Variants in VPS26B observed in about 807,000 individuals in gnomAD.
The protein encoded by VPS26B is vacuolar protein sorting-associated protein 26B.
In VPS26B, 10 loss-of-function variants were observed where a neutral mutation model predicts 33.3. That is an observed-to-expected ratio of 0.30 (90% CI 0.19 to 0.51). VPS26B has a LOEUF of 0.51. Ranked by LOEUF, VPS26B falls within the 20% of genes least tolerant of loss-of-function variation. VPS26B has a pLI of 0.98. For synonymous variants in VPS26B, 190 were observed against 176.9 expected, an observed-to-expected ratio of 1.07 and a Z score of -0.59; for missense variants, 317 against 452.7, an observed-to-expected ratio of 0.70 and a Z score of 2.72.
At chr11:134,235,279 C>T (rs531617724) in intron 2 of VPS26B, 11 of 429,800 alleles carry the variant, frequency 2.6e-5, no homozygotes, top group African/African-American at 1.2e-4. Context: ...CCGCCATGGC[C>T]AATTTCAAGC....
rs1226042269 is a variant in VPS26B, at chr11:134,247,440, C to G, written c.*1850C>G. ...TTCCAACCTTCCTAACATCTTAAACCTTTCTTCTGGGAGAACTAGAAGACA... is the reference window on the plus strand; with the variant it reads ...TTCCAACCTTCCTAACATCTTAAACGTTTCTTCTGGGAGAACTAGAAGACA... On this transcript the variant is annotated 3_prime_UTR_variant, in exon 6 of 6. Coordinates refer to ENST00000281187, the MANE Select transcript of VPS26B (RefSeq NM_052875.5). The G allele has an allele frequency of 6.6e-6, 1 of 152,196 alleles. No individual in the cohort carries two copies. Among genetic ancestry groups the G allele is most frequent in the Non-Finnish European group, 1.5e-5 (1 of 68,040 alleles). 9.4% of individuals were successfully genotyped at this position (152,196 alleles called of 1,614,324 possible). A position where few individuals can be genotyped will look rare whatever the true frequency, so the allele number is the denominator to read the frequency against.
chr11:134,242,970 A>C (rs1479760848), intron 3 of VPS26B, 149 bp from the exon 4 acceptor site: 1 of 732,948 alleles, frequency 1.4e-6, no homozygotes, highest in Non-Finnish European at 2.3e-6. Context: ...GAAACAGTTC[A>C]GCCACAGCCA....
chr11:134,240,774 C>CGT lies in VPS26B; in HGVS notation c.545+636_545+637dup, dbSNP rs145007065. Among the ~76,000 whole-genome samples, 4,946 of 137,910 alleles carry CGT rather than the reference C, an allele frequency of 0.036. 227 individuals are homozygous for CGT. Among genetic ancestry groups the CGT allele is most frequent in the African/African-American group, 0.11 (4,174 of 37,712 alleles). 90.5% of individuals were successfully genotyped at this position (137,910 alleles called of 152,430 possible). On this transcript the variant is annotated intron_variant, in intron 3 of 5. Transcript: ENST00000281187. This position sits in a 1 kb window ranked among gnomAD's most constrained non-coding sequence, Gnocchi z 4.4. ...CCGCCACACCCAGCTAATTTGTGTC[C>CGT]GTGTGTGTGTGTGTGTGTCCGTGTG...
intron 2 of VPS26B, among the ~76,000 whole-genome samples, chr11:134,236,124 A>T (rs900564944): frequency 6.6e-6 from 1 of 152,138 alleles, no homozygotes; most frequent in Non-Finnish European, 1.5e-5. Flanking sequence ...AGCCTGGGCA[A>T]CATATTGAGA....
Position 134,240,827 on chromosome 11 carries a change from G to GTGTGTGTA in VPS26B, c.545+673_545+674insGTGTGTAT, listed in dbSNP as rs1938712845. Among the ~76,000 whole-genome samples the GTGTGTGTA allele has an allele frequency of 6.6e-6, 1 of 151,148 alleles. No homozygotes were observed. The highest frequency in any genetic ancestry group is 1.5e-5 in the Non-Finnish European group (1 of 67,702). On this transcript the variant is annotated intron_variant, in intron 3 of 5. Transcript: ENST00000281187. This position sits in a 1 kb window ranked among gnomAD's most constrained non-coding sequence, Gnocchi z 4.4. The stretch of plus-strand genomic sequence containing the variant: ...TGTGTGTGTGTGTGTGTGTGTGTGT[G>GTGTGTGTA]TAGCCAAGGTTTCATAATGTTGCCC...
chr11:134,235,169 C>A, intron 2 of VPS26B, 116 bp downstream of exon 2: 1 of 1,356,364 alleles, frequency 7.4e-7, no homozygotes, highest in Non-Finnish European at 1.0e-6. Context: ...GGAAGAGTGT[C>A]GCGAGCTGTG....
At chr11:134,233,337 A>G (rs548838946) in intron 1 of VPS26B, among the ~76,000 whole-genome samples, 2 of 152,310 alleles carry the variant, frequency 1.3e-5, no homozygotes, top group African/African-American at 4.8e-5. Flanking sequence ...GCCCCGCTGC[A>G]AGTTGCAGTC....
intron 1 of VPS26B, among the ~76,000 whole-genome samples, chr11:134,233,705 A>AGTG (rs1287544906): frequency 2.0e-5 from 3 of 149,800 alleles, no homozygotes; most frequent in African/African-American, 4.9e-5. Context: ...AGCCTGGGCG[A>AGTG]CAGAGCGAGA....
chr11:134,231,101 A>G lies in VPS26B; in HGVS notation c.224-3796A>G, dbSNP rs1225592234. ...TGGGGAACACCAGTGAAGTTTAGAAAGCAGACCTGGGCCGCCTTGGAGACT... is the reference window on the plus strand; with the variant it reads ...TGGGGAACACCAGTGAAGTTTAGAAGGCAGACCTGGGCCGCCTTGGAGACT... On this transcript the variant is annotated intron_variant, in intron 1 of 5. Coordinates refer to ENST00000281187, the MANE Select transcript of VPS26B (RefSeq NM_052875.5). Among the ~76,000 whole-genome samples, 3 of 152,232 alleles carry G rather than the reference A, an allele frequency of 2.0e-5. No homozygotes were observed. The East Asian group carries it at 5.8e-4, about 29-fold the overall frequency.
At chr11:134,233,738 A>T (rs992439425) in intron 1 of VPS26B, among the ~76,000 whole-genome samples, 2 of 150,656 alleles carry the variant, frequency 1.3e-5, no homozygotes, top group African/African-American at 4.9e-5. Flanking sequence ...AAACAAACAA[A>T]AAAAGCTCAC....
Position 134,244,854 on chromosome 11 carries a change from A to G in VPS26B, c.722-84A>G. ...TGCTCGTGTGCTGCACTCCAGTGGC[A>G]TCTCTGCAGTGGTCAGAGTGACCTG... On this transcript the variant is annotated intron_variant, in intron 4 of 5. Transcript: ENST00000281187. This position sits in a 1 kb window ranked among gnomAD's most constrained non-coding sequence, Gnocchi z 4.0. 1 of 1,506,340 alleles carries G rather than the reference A, an allele frequency of 6.6e-7. No homozygotes were observed. Among genetic ancestry groups the G allele is most frequent in the East Asian group, 2.3e-5 (1 of 43,470 alleles). 93.3% of individuals were successfully genotyped at this position (1,506,340 alleles called of 1,614,324 possible).
rs533317268 is a variant in VPS26B, at chr11:134,241,577, C to T, written c.545+1422C>T. Among the ~76,000 whole-genome samples, 57 of 152,334 alleles carry T rather than the reference C, an allele frequency of 3.7e-4. 1 individual carries two copies. The highest frequency in any genetic ancestry group is 8.5e-4 in the Admixed American group (13 of 15,308). The stretch of plus-strand genomic sequence containing the variant: ...CGGTCCTGCCCAGAAAGGAGCCATC[C>T]AGAGTGCCTACCCACTACTGTCCTG... On this transcript the variant is annotated intron_variant, in intron 3 of 5. Coordinates refer to ENST00000281187, the MANE Select transcript of VPS26B (RefSeq NM_052875.5).
rs966051777 is a variant in VPS26B, at chr11:134,245,392, G to T, written c.865-52G>T. On this transcript the variant is annotated intron_variant, in intron 5 of 5. Coordinates refer to ENST00000281187, the MANE Select transcript of VPS26B (RefSeq NM_052875.5). This position sits in a 1 kb window ranked among gnomAD's most constrained non-coding sequence, Gnocchi z 4.7. ...AAAGTTGGGAGCCTCTAGGAAACCT[G>T]TCCCCATGCCTCCCTCTAAGGTGTC... The T allele has an allele frequency of 2.5e-5, 40 of 1,605,252 alleles. No homozygotes were observed. The highest frequency in any genetic ancestry group is 6.0e-6 in the Non-Finnish European group (7 of 1,173,164).
intron 1 of VPS26B, among the ~76,000 whole-genome samples, chr11:134,234,626 A>C (rs965808022): frequency 6.6e-6 from 1 of 152,198 alleles, no homozygotes; most frequent in African/African-American, 2.4e-5. Flanking sequence ...ACTTACCCTT[A>C]TTAAAAGATG....
chr11:134,231,721 C>T (rs1313217389), intron 1 of VPS26B, among the ~76,000 whole-genome samples: 2 of 152,316 alleles, frequency 1.3e-5, no homozygotes, highest in South Asian at 2.1e-4. Flanking sequence ...CCCACCACCT[C>T]GTCTGGCTAA....
intron 1 of VPS26B, among the ~76,000 whole-genome samples, chr11:134,234,409 G>T (rs930249154): frequency 6.6e-6 from 1 of 152,208 alleles, no homozygotes; most frequent in African/African-American, 2.4e-5. Flanking sequence ...CAGCTCTGCA[G>T]CCAGCTCTGC....
chr11:134,239,786 G>C, intron 2 of VPS26B: 1 of 592,648 alleles, frequency 1.7e-6, no homozygotes, highest in Non-Finnish European at 3.0e-6. Context: ...GAACTCCCTA[G>C]AATTGTGGTT....
chr11:134,235,108 A>C, intron 2 of VPS26B, 55 bp downstream of exon 2: 1 of 1,573,232 alleles, frequency 6.4e-7, no homozygotes, highest in Non-Finnish European at 8.6e-7. Flanking sequence ...CCATGTGGAC[A>C]AGGACCTGAG....
chr11:134,225,075 G>C lies in VPS26B; in HGVS notation c.-48G>C. On this transcript the variant is annotated 5_prime_UTR_variant, in exon 1 of 6. Transcript: ENST00000281187. ...CTTTACCTAGGGCAGCCCGCGCCCC[G>C]GTGCGAGGGAGCGGTCCTTACCGAG... The C allele has an allele frequency of 2.0e-6, 3 of 1,531,718 alleles. No homozygotes were observed. Among genetic ancestry groups the C allele is most frequent in the Non-Finnish European group, 2.6e-6 (3 of 1,132,316 alleles). 94.9% of individuals were successfully genotyped at this position (1,531,718 alleles called of 1,614,324 possible).
Sources: gnomAD v4.1 joint callset for allele counts (sites outside exome capture counted in the v4.1 genomes callset) on GRCh38, gnomAD v4.1.1 for gene constraint, Gnocchi (gnomAD v3.1) non-coding constraint, MANE v1.5 for transcripts, NCBI Gene and HGNC (gene_info 2026-07-23, HGNC 2026-07-21) for gene names.